The following TAFA2 variants were observed in gnomAD, a reference collection of about 807,000 sequenced individuals.
TAFA2 encodes chemokine-like protein TAFA-2.
Under a neutral mutation model 18.8 loss-of-function variants are expected in TAFA2, and 7 were observed. The observed-to-expected ratio is 0.37, with a 90% CI of 0.21 to 0.70. The LOEUF (loss-of-function observed/expected upper bound fraction) is 0.70, where lower values mean the gene tolerates loss of function less well. TAFA2 is among the 30% of genes least tolerant of loss of function. The pLI, the probability that TAFA2 is intolerant of heterozygous loss-of-function variation, is 0.53. For missense variants in TAFA2, 122 were observed against 158.1 expected, an observed-to-expected ratio of 0.77 and a Z score of 1.23; for synonymous variants, 60 against 54.2, an observed-to-expected ratio of 1.11 and a Z score of -0.47.
chr12:62,020,153 A>G (rs1051853269), intron 1 of TAFA2, among the ~76,000 whole-genome samples: 1 of 152,222 alleles, frequency 6.6e-6, no homozygotes, highest in Non-Finnish European at 1.5e-5. Flanking sequence ...CTAAATGACT[A>G]CAAATGCCAA....
At chr12:62,079,100 A>G (rs1244421795) in intron 1 of TAFA2, among the ~76,000 whole-genome samples, 2 of 152,130 alleles carry the variant, frequency 1.3e-5, no homozygotes, top group African/African-American at 4.8e-5. Flanking sequence ...ATGCCATGTT[A>G]TCATCTGCAG....
intron 1 of TAFA2, among the ~76,000 whole-genome samples, chr12:62,120,367 G>A (rs1870138657): frequency 6.6e-6 from 1 of 152,134 alleles, no homozygotes; most frequent in Admixed American, 6.5e-5. Context: ...TCTTTTTAAA[G>A]ATTCCATTTA....
intron 1 of TAFA2, among the ~76,000 whole-genome samples, chr12:62,185,751 C>A (rs989637578): frequency 6.6e-6 from 1 of 152,112 alleles, no homozygotes; most frequent in African/African-American, 2.4e-5. Context: ...TTTCTAAATT[C>A]TTGACTGATC....
intron 1 of TAFA2, among the ~76,000 whole-genome samples, chr12:62,111,059 T>A (rs1215276945): frequency 6.6e-6 from 1 of 152,156 alleles, no homozygotes; most frequent in African/African-American, 2.4e-5. Flanking sequence ...GCTTCTCTAG[T>A]TCTTTCAATT....
At chr12:62,100,811 G>A (rs1391940256) in intron 1 of TAFA2, among the ~76,000 whole-genome samples, 1 of 152,108 alleles carries the variant, frequency 6.6e-6, no homozygotes, top group Non-Finnish European at 1.5e-5. Context: ...CTAGGTGAGT[G>A]GTACTCCTTG....
intron 1 of TAFA2, among the ~76,000 whole-genome samples, chr12:61,924,065 G>T (rs1224930378): frequency 1.3e-5 from 2 of 151,550 alleles, no homozygotes; most frequent in Non-Finnish European, 2.9e-5. Flanking sequence ...AACGAACAAA[G>T]CCTCCAAGAA....
intron 1 of TAFA2, among the ~76,000 whole-genome samples, chr12:62,088,659 G>T (rs1055264959): frequency 7.0e-6 from 1 of 142,454 alleles, no homozygotes; most frequent in Admixed American, 7.0e-5. Flanking sequence ...TTAGAAAAAA[G>T]CATCAAAAAT....
At chr12:61,879,305 T>A (rs1433478611) in intron 1 of TAFA2, 4 of 478,862 alleles carry the variant, frequency 8.4e-6, no homozygotes, top group African/African-American at 7.9e-5. Flanking sequence ...CTGCTTCCAC[T>A]CCTGCCTCCA....
intron 1 of TAFA2, among the ~76,000 whole-genome samples, chr12:61,868,025 T>C (rs1874433573): frequency 6.6e-6 from 1 of 152,150 alleles, no homozygotes. Flanking sequence ...TTGATGTAAG[T>C]TCCCAGAGGT....
chr12:62,050,007 C>A (rs1882009267), intron 1 of TAFA2, among the ~76,000 whole-genome samples: 1 of 152,196 alleles, frequency 6.6e-6, no homozygotes, highest in African/African-American at 2.4e-5. Flanking sequence ...TACAGATTCA[C>A]AAGCGTAAAT....
intron 2 of TAFA2, among the ~76,000 whole-genome samples, chr12:61,837,229 C>T (rs1872970961): frequency 1.3e-5 from 2 of 151,746 alleles, no homozygotes; most frequent in African/African-American, 4.8e-5. Context: ...ATATGAAAAC[C>T]ACATTTATTT....
At chr12:61,901,518 T>G (rs1371423848) in intron 1 of TAFA2, among the ~76,000 whole-genome samples, 2 of 152,126 alleles carry the variant, frequency 1.3e-5, no homozygotes, top group East Asian at 3.8e-4. Context: ...TATTGTTACT[T>G]TCCAACTCTG....
At chr12:61,963,228 G>A (rs1878951638) in intron 1 of TAFA2, among the ~76,000 whole-genome samples, 1 of 151,842 alleles carries the variant, frequency 6.6e-6, no homozygotes, top group Admixed American at 6.6e-5. Flanking sequence ...TAATCCTTTG[G>A]GTATATACCC....
At chr12:62,062,298 T>C (rs983030030) in intron 1 of TAFA2, among the ~76,000 whole-genome samples, 4 of 152,236 alleles carry the variant, frequency 2.6e-5, no homozygotes, top group African/African-American at 9.6e-5. Context: ...CTGTTAACAA[T>C]ACACTGTATC....
chr12:61,755,050 A>C, intron 2 of TAFA2, 26 bp from the exon 3 acceptor site: 1 of 1,610,516 alleles, frequency 6.2e-7, no homozygotes, highest in Non-Finnish European at 8.5e-7. Flanking sequence ...AGATAAGACA[A>C]CATTGAGAAA....
intron 1 of TAFA2, among the ~76,000 whole-genome samples, chr12:61,897,763 CT>C (rs1475317232): frequency 6.6e-6 from 1 of 152,178 alleles, no homozygotes; most frequent in Non-Finnish European, 1.5e-5. Flanking sequence ...CATACTGCCC[CT>C]GGCCTCTCCC....
At chr12:62,029,369 TG>T (rs1881390030) in intron 1 of TAFA2, among the ~76,000 whole-genome samples, 1 of 152,114 alleles carries the variant, frequency 6.6e-6, no homozygotes, top group South Asian at 2.1e-4. Flanking sequence ...GTTAGGGAGG[TG>T]TTATCAGAAC....
At chr12:61,948,307 G>C (rs1878350872) in intron 1 of TAFA2, among the ~76,000 whole-genome samples, 1 of 152,150 alleles carries the variant, frequency 6.6e-6, no homozygotes, top group South Asian at 2.1e-4. Flanking sequence ...TCAAAGCCAA[G>C]ATGAAAATTC....
chr12:61,855,143 T>C (rs1381769863), intron 2 of TAFA2, among the ~76,000 whole-genome samples: 2 of 152,184 alleles, frequency 1.3e-5, no homozygotes, highest in African/African-American at 4.8e-5. Flanking sequence ...TCTCAGTTTG[T>C]CTTGGCAATA....
Sources: allele counts gnomAD v4.1 joint callset (sites outside exome capture counted in the v4.1 genomes callset), GRCh38; gene constraint gnomAD v4.1.1; transcripts MANE v1.5; gene names NCBI Gene and HGNC (gene_info 2026-07-23, HGNC 2026-07-21).